The following PCBP2 variants were observed in gnomAD, a reference collection of about 807,000 sequenced individuals.
The protein encoded by PCBP2 is poly(rC)-binding protein 2.
PCBP2 carries 4 observed loss-of-function variants against 50.1 expected under a neutral mutation model. That is an observed-to-expected ratio of 0.08 (90% CI 0.04 to 0.18). The LOEUF is 0.18. Among genes scored for constraint, PCBP2 ranks in the 10% least tolerant of loss-of-function variants. The probability of loss-of-function intolerance (pLI) is 1.00; values close to 1 mark genes in which losing one functional copy is unlikely to be tolerated. For missense variants in PCBP2, 161 were observed against 474.3 expected (o/e 0.34, Z 6.14); for synonymous variants, 179 against 168.0 (o/e 1.07, Z -0.51).
intron 4 of PCBP2, 140 bp downstream of exon 4, chr12:53,455,633 A>C (rs546989237): frequency 1.6e-5 from 14 of 881,048 alleles, no homozygotes; most frequent in Non-Finnish European, 2.1e-5. Context: ...TGTAGTGATA[A>C]TCTGGGGAGT....
chr12:53,467,727 C>A, intron 11 of PCBP2, 78 bp from the exon 12 acceptor site: 2 of 1,143,656 alleles, frequency 1.7e-6, no homozygotes, highest in Non-Finnish European at 1.3e-6. Context: ...GTTTTTGGGG[C>A]TTTTCTGTAT....
At chr12:53,469,068 A>G (rs1424442402) in intron 13 of PCBP2, among the ~76,000 whole-genome samples, 1 of 151,400 alleles carries the variant, frequency 6.6e-6, no homozygotes, top group African/African-American at 2.4e-5. Context: ...ATGCCTGGCT[A>G]ATTTTGTATT....
chr12:53,476,734 G>C (rs1056503221), intron 14 of PCBP2, among the ~76,000 whole-genome samples: 15 of 152,110 alleles, frequency 9.9e-5, no homozygotes, highest in African/African-American at 1.4e-4. Flanking sequence ...GATTGGGCCT[G>C]TGAAGAAGTG....
rs760676051 is a variant in PCBP2, at chr12:53,479,358, C to T, written c.1053-48C>T. 5.2e-6 allele frequency: 8 copies of T among 1,548,508 alleles called. No homozygotes were observed. The South Asian group carries it at 8.9e-5, about 17-fold the overall frequency. ...TCATGAACCAGGTAGAGATGAGGTG[C>T]AGCTGAGCACTGGGGAAACTAACTG... On this transcript the variant is annotated intron_variant, in intron 14 of 14. Transcript: ENST00000546463.
At chr12:53,472,090 G>A (rs1333724201) in intron 14 of PCBP2, among the ~76,000 whole-genome samples, 4 of 151,958 alleles carry the variant, frequency 2.6e-5, no homozygotes, top group Non-Finnish European at 5.9e-5. Context: ...AGAGTCCTCT[G>A]GCTAGAGCAC....
rs1592704018 is a variant in PCBP2, at chr12:53,481,109, A to ATATATATATATATATG, written c.*1680_*1695dup. 3.1e-6 allele frequency: 1 copy of ATATATATATATATATG among 324,284 alleles called. No homozygotes were observed. Among genetic ancestry groups the ATATATATATATATATG allele is most frequent in the East Asian group, 1.2e-4 (1 of 8,318 alleles). The allele number at this position is 324,284 out of a possible 1,614,324, so 20.1% of individuals were successfully genotyped here. A position where few individuals can be genotyped will look rare whatever the true frequency, so the allele number is the denominator to read the frequency against. ...CATCTTTCTGTTGATTATGTGGCGCATATATATATATATATGTATATATAT... is the reference window on the plus strand; with the variant it reads ...CATCTTTCTGTTGATTATGTGGCGCATATATATATATATATGTATATATATATATATGTATATATAT... On this transcript the variant is annotated 3_prime_UTR_variant, in exon 15 of 15. Transcript: ENST00000546463.
chr12:53,458,470 G>C (rs1292166857), intron 5 of PCBP2, among the ~76,000 whole-genome samples: 1 of 150,840 alleles, frequency 6.6e-6, no homozygotes, highest in African/African-American at 2.4e-5. Flanking sequence ...ACCACACCCA[G>C]CTAGTTTTTG....
chr12:53,472,677 A>G (rs563893918), intron 14 of PCBP2, among the ~76,000 whole-genome samples: 47 of 152,294 alleles, frequency 3.1e-4, no homozygotes, highest in Non-Finnish European at 5.4e-4. Context: ...GTTTTACATG[A>G]GTTCCTGAAT....
chr12:53,453,647 A>G (rs750283406), intron 1 of PCBP2, among the ~76,000 whole-genome samples: 5 of 152,172 alleles, frequency 3.3e-5, no homozygotes, highest in Non-Finnish European at 7.3e-5. Context: ...GAGAGATGAC[A>G]TGTTGAGTTT....
intron 14 of PCBP2, chr12:53,475,651 C>T (rs990626848): frequency 6.2e-6 from 1 of 161,898 alleles, no homozygotes; most frequent in Non-Finnish European, 1.3e-5. Flanking sequence ...GCAGTAAGAA[C>T]CTTAGTACAC....
rs1302862648 is a variant in PCBP2 at position 53,462,545 on chromosome 12, C to T, written c.557C>T (p.Pro186Leu). ...TACCGGCCCAAGCCGTCCAGCTCTC[C>T]GGTCATCTTTGCAGGTGGTCAGGTA... ...IPYRPKPSSS[P>L]VIFAGGQDRY... The change falls in exon 8 of 15, where the codon CCG becomes CTG. Residue 186 changes from proline (P) to leucine (L), a missense_variant. Around this residue, in one of 7 missense-constraint regions of PCBP2, gnomAD observed 35 missense variants for 45.5 expected, o/e 0.77. Coordinates refer to ENST00000546463, the MANE Select transcript of PCBP2 (RefSeq NM_031989.5). 2 of 1,613,408 alleles carry T rather than the reference C, an allele frequency of 1.2e-6. No homozygotes were observed. The highest frequency in any genetic ancestry group is 1.7e-6 in the Non-Finnish European group (2 of 1,179,570).
intron 5 of PCBP2, among the ~76,000 whole-genome samples, chr12:53,458,437 A>G (rs994038970): frequency 1.3e-5 from 2 of 150,696 alleles, no homozygotes; most frequent in Admixed American, 6.6e-5. Context: ...TCCCGAGAGT[A>G]GCCTGGACTA....
chr12:53,454,892 G>T (rs1041674762), intron 2 of PCBP2, 23 bp downstream of exon 2: 16 of 1,603,520 alleles, frequency 1.0e-5, no homozygotes, highest in Non-Finnish European at 1.4e-5. Flanking sequence ...TTGGGAAATG[G>T]GGTCATAGTA....
chr12:53,472,731 T>G (rs546088297), intron 14 of PCBP2, among the ~76,000 whole-genome samples: 14 of 152,348 alleles, frequency 9.2e-5, no homozygotes, highest in African/African-American at 2.9e-4. Flanking sequence ...GTCTGTATTG[T>G]GCTTGTACTG....
At chr12:53,461,477 A>G (rs925219002) in intron 7 of PCBP2, among the ~76,000 whole-genome samples, 17 of 152,134 alleles carry the variant, frequency 1.1e-4, no homozygotes, top group Admixed American at 2.0e-4. Flanking sequence ...GAATTACTGT[A>G]TTTTGGTTAC....
chr12:53,461,174 G>A (rs1470084127), intron 7 of PCBP2, 31 bp downstream of exon 7: 1 of 1,611,132 alleles, frequency 6.2e-7, no homozygotes, highest in Admixed American at 1.7e-5. Context: ...TGAAAATGGG[G>A]GGAGGGCCAT....
chr12:53,469,887 A>T (rs1942089587), intron 13 of PCBP2, among the ~76,000 whole-genome samples: 1 of 150,114 alleles, frequency 6.7e-6, no homozygotes, highest in South Asian at 2.1e-4. Flanking sequence ...GACTACAGGC[A>T]TGTGCCACCA....
chr12:53,466,898 G>A (rs1038139213), intron 10 of PCBP2, among the ~76,000 whole-genome samples: 5 of 152,076 alleles, frequency 3.3e-5, no homozygotes, highest in African/African-American at 1.2e-4. Flanking sequence ...GCTTGTCCCT[G>A]CGGCAACTGT....
chr12:53,459,856 C>G, intron 6 of PCBP2: 1 of 454,426 alleles, frequency 2.2e-6, no homozygotes, highest in Non-Finnish European at 4.4e-6. Flanking sequence ...ACCTTCCCAG[C>G]CTCAGGCGAT....
Sources: allele counts gnomAD v4.1 joint callset (sites outside exome capture counted in the v4.1 genomes callset), GRCh38; gene constraint gnomAD v4.1.1; regional missense constraint gnomAD v4.1.1; transcripts MANE v1.5; gene names NCBI Gene and HGNC (gene_info 2026-07-23, HGNC 2026-07-21).